Variants in MED26 observed in about 807,000 individuals in gnomAD.
MED26 encodes the protein mediator of RNA polymerase II transcription subunit 26.
Under a neutral mutation model 43.7 loss-of-function variants are expected in MED26, and 7 were observed. That is an observed-to-expected ratio of 0.16 (90% CI 0.09 to 0.30). MED26 has a LOEUF of 0.30. Among genes scored for constraint, MED26 ranks in the 10% least tolerant of loss-of-function variants. MED26 has a pLI of 1.00. For missense variants in MED26, 784 were observed against 840.6 expected (o/e 0.93, Z 0.83); for synonymous variants, 375 against 371.1 (o/e 1.01, Z -0.12).
At chr19:16,608,623 T>C (rs2086184880) in intron 1 of MED26, among the ~76,000 whole-genome samples, 1 of 152,258 alleles carries the variant, frequency 6.6e-6, no homozygotes, top group Admixed American at 6.5e-5. Context: ...ATTTTACTTT[T>C]TTCATTTTAC....
intron 1 of MED26, among the ~76,000 whole-genome samples, chr19:16,618,591 C>T (rs1446044933): frequency 2.0e-5 from 3 of 152,120 alleles, no homozygotes; most frequent in Non-Finnish European, 4.4e-5. Context: ...ATTTTTTTCC[C>T]CAAAAACTCC....
intron 1 of MED26, among the ~76,000 whole-genome samples, chr19:16,620,849 G>T (rs1329159434): frequency 6.6e-6 from 1 of 152,192 alleles, no homozygotes; most frequent in African/African-American, 2.4e-5. Context: ...TTCGAAGCAT[G>T]ACTGGATTAG....
Position 16,576,794 on chromosome 19 carries a change from C to T in MED26, c.1036G>A (p.Glu346Lys), listed in dbSNP as rs1459203563. 6.2e-7 allele frequency: 1 copy of T among 1,608,158 alleles called. No homozygotes were observed. The highest frequency in any genetic ancestry group is 1.1e-5 in the South Asian group (1 of 90,810). ...ESPVCWLEQP[E>K]SHQRLAGPGC... ...GGCCCCGCCAGCCGCTGGTGGCTCT[C>T]AGGCTGCTCAAGCCAGCACACTGGG... Residue 346 changes from glutamate (E) to lysine (K), a missense_variant, in exon 3 of 3, where the codon GAG becomes AAG. Transcript: ENST00000263390. This position sits in a 1 kb window ranked among gnomAD's most constrained non-coding sequence, Gnocchi z 6.8.
At chr19:16,579,519 C>A in intron 1 of MED26, among the ~76,000 whole-genome samples, 1 of 152,212 alleles carries the variant, frequency 6.6e-6, no homozygotes, top group East Asian at 1.9e-4. Flanking sequence ...CTTTTAGGAT[C>A]TTGCTAGGAG....
At chr19:16,580,574 T>A (rs969941887) in intron 1 of MED26, among the ~76,000 whole-genome samples, 2 of 152,034 alleles carry the variant, frequency 1.3e-5, no homozygotes, top group Non-Finnish European at 2.9e-5. Flanking sequence ...GGTTTCACCA[T>A]GTTGAAGGCT....
Position 16,577,083 on chromosome 19 carries a change from C to T in MED26, c.747G>A (p.Val249=), listed in dbSNP as rs774400307. The T allele has an allele frequency of 1.9e-6, 3 of 1,609,128 alleles. No individual in the cohort carries two copies. In the African/African-American group the frequency reaches 4.0e-5, roughly 22 times the overall value. The change falls in exon 3 of 3, where the codon GTG becomes GTA. Residue 249 remains valine, a synonymous_variant. Coordinates refer to ENST00000263390, the MANE Select transcript of MED26 (RefSeq NM_004831.5). This position sits in a 1 kb window ranked among gnomAD's most constrained non-coding sequence, Gnocchi z 8.1. ...CGTCCACCCTGTCCAGCTGCTGCAG[C>T]ACCGAAGCCTTTGGCTGCAAGCAGG... ...PGPCLQPKAS[V]LQQLDRVDET... is the part of the protein sequence containing the mutation.
intron 1 of MED26, chr19:16,611,412 G>C (rs1464062003): frequency 6.6e-6 from 1 of 152,144 alleles, no homozygotes; most frequent in Non-Finnish European, 1.5e-5. Flanking sequence ...ACGTATGAGA[G>C]GGGAACTAAT....
At chr19:16,621,416 A>G (rs1240925729) in intron 1 of MED26, among the ~76,000 whole-genome samples, 1 of 152,218 alleles carries the variant, frequency 6.6e-6, no homozygotes, top group Non-Finnish European at 1.5e-5. Context: ...GGCACACAGG[A>G]GACCGAGCCT....
Position 16,604,812 on chromosome 19 carries a change from C to A in MED26, c.72+23060G>T, listed in dbSNP as rs148916135. Among the ~76,000 whole-genome samples, 110 of 152,372 alleles carry A rather than the reference C, an allele frequency of 7.2e-4. 1 individual carries two copies. Among genetic ancestry groups the A allele is most frequent in the African/African-American group, 2.5e-3 (103 of 41,588 alleles). ...GCTCACAGCGATTGCGCCACCCCTACCCCTGGGAGCCGGCTCATGGTGACA... is the reference window on the plus strand; with the variant it reads ...GCTCACAGCGATTGCGCCACCCCTAACCCTGGGAGCCGGCTCATGGTGACA... On this transcript the variant is annotated intron_variant, in intron 1 of 2. Transcript: ENST00000263390.
At chr19:16,617,158 G>C (rs1162287049) in intron 1 of MED26, among the ~76,000 whole-genome samples, 1 of 152,182 alleles carries the variant, frequency 6.6e-6, no homozygotes, top group East Asian at 1.9e-4. Context: ...TGGGCTGACA[G>C]CGTGTCCAGA....
chr19:16,603,804 G>C (rs2086160688), intron 1 of MED26, among the ~76,000 whole-genome samples: 1 of 152,180 alleles, frequency 6.6e-6, no homozygotes, highest in East Asian at 1.9e-4. Flanking sequence ...GGCTCCGTAA[G>C]GCTCCAGGCA....
chr19:16,626,809 T>C (rs1202405564), intron 1 of MED26, among the ~76,000 whole-genome samples: 1 of 152,122 alleles, frequency 6.6e-6, no homozygotes, highest in Non-Finnish European at 1.5e-5. Context: ...CCTCCCCTCA[T>C]ACCTGGATGC....
intron 1 of MED26, among the ~76,000 whole-genome samples, chr19:16,613,626 CAGA>C (rs1293009636): frequency 3.3e-5 from 5 of 152,202 alleles, no homozygotes; most frequent in African/African-American, 9.7e-5. Context: ...GCTCTGAGGG[CAGA>C]AGGAGTCGGG....
intron 1 of MED26, among the ~76,000 whole-genome samples, chr19:16,580,517 C>T (rs1398715451): frequency 6.6e-6 from 1 of 152,068 alleles, no homozygotes; most frequent in Non-Finnish European, 1.5e-5. Flanking sequence ...TATAGGCACC[C>T]GCCACCACGC....
rs1296692561 is a variant in MED26, at chr19:16,586,622, G to A, written c.73-8213C>T. Reference sequence around the variant, plus strand: ...ACCCAGGCATGCACGGGCCACCACAGCAGGGCTTCAGATGGCACTGGAGCC... The same window carrying A: ...ACCCAGGCATGCACGGGCCACCACAACAGGGCTTCAGATGGCACTGGAGCC... On this transcript the variant is annotated intron_variant, in intron 1 of 2. Coordinates refer to ENST00000263390, the MANE Select transcript of MED26 (RefSeq NM_004831.5). This position sits in a 1 kb window ranked among gnomAD's most constrained non-coding sequence, Gnocchi z 5.1. Among the ~76,000 whole-genome samples, 1 of 152,260 alleles carries A rather than the reference G, an allele frequency of 6.6e-6. No individual in the cohort carries two copies. Among genetic ancestry groups the A allele is most frequent in the Non-Finnish European group, 1.5e-5 (1 of 68,046 alleles).
At chr19:16,614,237 G>A (rs2086212597) in intron 1 of MED26, among the ~76,000 whole-genome samples, 1 of 152,152 alleles carries the variant, frequency 6.6e-6, no homozygotes. Flanking sequence ...TGTGCTAAGG[G>A]TAGTGTCTGG....
At chr19:16,623,346 G>A (rs2086259820) in intron 1 of MED26, among the ~76,000 whole-genome samples, 1 of 152,194 alleles carries the variant, frequency 6.6e-6, no homozygotes, top group Non-Finnish European at 1.5e-5. Context: ...GCATTTACAT[G>A]TTTGGGTTTA....
intron 1 of MED26, among the ~76,000 whole-genome samples, chr19:16,613,290 T>C (rs887311845): frequency 4.6e-5 from 7 of 151,942 alleles, no homozygotes; most frequent in African/African-American, 1.7e-4. Context: ...TTCTAGTTGA[T>C]TGTTAAACCT....
intron 1 of MED26, among the ~76,000 whole-genome samples, chr19:16,613,967 CA>C (rs1405242919): frequency 2.1e-4 from 32 of 152,234 alleles, no homozygotes; most frequent in Middle Eastern, 3.4e-3. Context: ...CTCAGGAAGA[CA>C]ACATCCCAAA....
Sources: gnomAD v4.1 joint callset for allele counts (sites outside exome capture counted in the v4.1 genomes callset) on GRCh38, gnomAD v4.1.1 for gene constraint, Gnocchi (gnomAD v3.1) non-coding constraint, MANE v1.5 for transcripts, NCBI Gene and HGNC (gene_info 2026-07-23, HGNC 2026-07-21) for gene names.